The following CHST8 variants were observed in gnomAD, a reference collection of about 807,000 sequenced individuals.
The protein encoded by CHST8 is GALNAC-4-ST1.
Under a neutral mutation model 15.0 loss-of-function variants are expected in CHST8, and 10 were observed. The ratio of observed to expected loss-of-function variants is 0.67; its 90% CI spans 0.41 to 1.13. The LOEUF (loss-of-function observed/expected upper bound fraction) is 1.13, where lower values mean the gene tolerates loss of function less well. Ranked by LOEUF, CHST8 falls within the 50% of genes most tolerant of loss-of-function variation. The probability of loss-of-function intolerance (pLI) is 0.00; values close to 1 mark genes in which losing one functional copy is unlikely to be tolerated. For synonymous variants in CHST8, 259 were observed against 256.6 expected, an observed-to-expected ratio of 1.01 and a Z score of -0.09; for missense variants, 634 against 608.2, an observed-to-expected ratio of 1.04 and a Z score of -0.45.
At chr19:33,670,031 G>C (rs981636656) in intron 2 of CHST8, among the ~76,000 whole-genome samples, 2 of 152,172 alleles carry the variant, frequency 1.3e-5, no homozygotes, top group African/African-American at 4.8e-5. Context: ...GTGCGTTTCT[G>C]TGTGTGTGAA....
At chr19:33,641,601 G>A (rs528939682) in intron 1 of CHST8, among the ~76,000 whole-genome samples, 1 of 152,344 alleles carries the variant, frequency 6.6e-6, no homozygotes, top group South Asian at 2.1e-4. Context: ...TGGAAGGGAA[G>A]AAGGGGGCTG....
At chr19:33,676,092 A>G (rs909257335) in intron 2 of CHST8, among the ~76,000 whole-genome samples, 1 of 151,040 alleles carries the variant, frequency 6.6e-6, no homozygotes, top group Non-Finnish European at 1.5e-5. Flanking sequence ...TTCATTATAG[A>G]GGGAGCAATG....
At chr19:33,715,465 G>A (rs1050685334) in intron 3 of CHST8, among the ~76,000 whole-genome samples, 3 of 152,228 alleles carry the variant, frequency 2.0e-5, no homozygotes, top group Admixed American at 6.5e-5. Context: ...CAACTTGATA[G>A]GATAGTAATT....
chr19:33,769,816 G>A (rs1415257823), intron 3 of CHST8, among the ~76,000 whole-genome samples: 1 of 152,146 alleles, frequency 6.6e-6, no homozygotes, highest in Non-Finnish European at 1.5e-5. Flanking sequence ...ATGCACGCAT[G>A]TGCACATAAG....
At chr19:33,763,761 C>T (rs1974780599) in intron 3 of CHST8, among the ~76,000 whole-genome samples, 1 of 152,238 alleles carries the variant, frequency 6.6e-6, no homozygotes, top group Admixed American at 6.5e-5. Context: ...GAACAGCCTG[C>T]CTCAGATGGA....
intron 3 of CHST8, among the ~76,000 whole-genome samples, chr19:33,704,478 T>G (rs546696619): frequency 1.3e-5 from 2 of 151,366 alleles, no homozygotes; most frequent in African/African-American, 4.8e-5. Context: ...GGAAAGGGGA[T>G]GGGGTGAGGG....
At chr19:33,753,223 C>A (rs1568355974) in intron 3 of CHST8, among the ~76,000 whole-genome samples, 1 of 151,914 alleles carries the variant, frequency 6.6e-6, no homozygotes, top group Non-Finnish European at 1.5e-5. Flanking sequence ...GCCTATGTAG[C>A]CTGCATGTAG....
chr19:33,657,955 T>C (rs16968334), intron 1 of CHST8, among the ~76,000 whole-genome samples: 37,827 of 152,198 alleles, frequency 0.25, 5,530 homozygotes, highest in African/African-American at 0.38. Context: ...GACCTTTGCA[T>C]ACCAGAACTG....
At chr19:33,697,315 G>C (rs1973237345) in intron 3 of CHST8, among the ~76,000 whole-genome samples, 1 of 151,956 alleles carries the variant, frequency 6.6e-6, no homozygotes, top group Admixed American at 6.6e-5. Flanking sequence ...CTGCAGCCTT[G>C]ACTTCCTGGG....
intron 3 of CHST8, among the ~76,000 whole-genome samples, chr19:33,770,808 G>T (rs1271357102): frequency 6.6e-6 from 1 of 152,222 alleles, no homozygotes; most frequent in East Asian, 1.9e-4. Flanking sequence ...GCTCACCCCA[G>T]AACTCCAGAG....
intron 1 of CHST8, among the ~76,000 whole-genome samples, chr19:33,652,873 G>A (rs2377080): frequency 0.98 from 149,511 of 152,266 alleles, 73,428 homozygotes; most frequent in East Asian, 1. Context: ...GCTAATATAC[G>A]CACTTGGTTT....
intron 3 of CHST8, among the ~76,000 whole-genome samples, chr19:33,741,778 G>A (rs1266543440): frequency 6.6e-6 from 1 of 151,662 alleles, no homozygotes; most frequent in Non-Finnish European, 1.5e-5. Context: ...TTGATTTAAT[G>A]TCTAGATTCA....
At chr19:33,628,484 A>G (rs1163244123) in intron 1 of CHST8, among the ~76,000 whole-genome samples, 2 of 152,252 alleles carry the variant, frequency 1.3e-5, no homozygotes, top group Non-Finnish European at 2.9e-5. Context: ...GGTCTGGTCC[A>G]TCAGGCTCTG....
chr19:33,668,579 G>C (rs1972693803), intron 2 of CHST8, among the ~76,000 whole-genome samples: 1 of 152,144 alleles, frequency 6.6e-6, no homozygotes, highest in Non-Finnish European at 1.5e-5. Context: ...AACAGATCAG[G>C]TGACCCTCTG....
intron 3 of CHST8, among the ~76,000 whole-genome samples, chr19:33,710,873 T>G (rs377154762): frequency 2.2e-4 from 16 of 72,856 alleles, no homozygotes; most frequent in African/African-American, 2.2e-4. Context: ...ATTTCTGGAG[T>G]TTTTTTTTTT....
At chr19:33,645,645 A>G (rs1477272662) in intron 1 of CHST8, among the ~76,000 whole-genome samples, 1 of 152,186 alleles carries the variant, frequency 6.6e-6, no homozygotes, top group East Asian at 1.9e-4. Flanking sequence ...CATTCGGTGA[A>G]GGACATACAG....
intron 1 of CHST8, among the ~76,000 whole-genome samples, chr19:33,651,157 T>C (rs1972443787): frequency 6.6e-6 from 1 of 152,244 alleles, no homozygotes; most frequent in African/African-American, 2.4e-5. Context: ...TTTGGTATTG[T>C]GTCTAAGAAA....
chr19:33,650,010 C>CT (rs1367235945), intron 1 of CHST8, among the ~76,000 whole-genome samples: 1 of 152,148 alleles, frequency 6.6e-6, no homozygotes, highest in Non-Finnish European at 1.5e-5. Flanking sequence ...TGACTTTATC[C>CT]TTGCCTGGCA....
chr19:33,640,230 G>T (rs1470398642), intron 1 of CHST8, among the ~76,000 whole-genome samples: 3 of 152,186 alleles, frequency 2.0e-5, no homozygotes, highest in East Asian at 3.9e-4. Context: ...CCAGGATCTA[G>T]CACCACGTGA....
Sources: gnomAD v4.1 joint callset for allele counts (sites outside exome capture counted in the v4.1 genomes callset) on GRCh38, gnomAD v4.1.1 for gene constraint, MANE v1.5 for transcripts, NCBI Gene and HGNC (gene_info 2026-07-23, HGNC 2026-07-21) for gene names.